The following TARS3 variants were observed in gnomAD, a reference collection of about 807,000 sequenced individuals.
The protein encoded by TARS3 is threonyl-tRNA synthetase 3.
Under a neutral mutation model 103.5 loss-of-function variants are expected in TARS3, and 94 were observed. The ratio of observed to expected loss-of-function variants is 0.91; its 90% CI spans 0.77 to 1.08. The LOEUF is 1.08. TARS3 is among the 50% of genes least tolerant of loss of function. The pLI, the probability that TARS3 is intolerant of heterozygous loss-of-function variation, is 0.00. For synonymous variants in TARS3, 416 were observed against 355.4 expected, an observed-to-expected ratio of 1.17 and a Z score of -1.92; for missense variants, 952 against 995.2, an observed-to-expected ratio of 0.96 and a Z score of 0.58.
intron 15 of TARS3, among the ~76,000 whole-genome samples, chr15:101,666,911 T>A (rs996102295): frequency 6.6e-6 from 1 of 152,224 alleles, no homozygotes; most frequent in Non-Finnish European, 1.5e-5. Context: ...TATGAGGTTG[T>A]TAATGTATAT....
chr15:101,659,633 T>C (rs558335601), intron 16 of TARS3, among the ~76,000 whole-genome samples: 1 of 152,320 alleles, frequency 6.6e-6, no homozygotes, highest in Admixed American at 6.5e-5. Context: ...GTTCTCTCTC[T>C]TTTCTTTAAA....
intron 10 of TARS3, chr15:101,699,549 A>T (rs576349357): frequency 2.3e-6 from 1 of 428,480 alleles, no homozygotes. Flanking sequence ...CTGATTTTCC[A>T]GAGAAGACAG....
At chr15:101,685,786 C>A in intron 11 of TARS3, 110 bp downstream of exon 11, 1 of 843,398 alleles carries the variant, frequency 1.2e-6, no homozygotes, top group Non-Finnish European at 1.7e-6. Flanking sequence ...TAGTAATCAC[C>A]ACTCTTCAGA....
chr15:101,713,498 G>A (rs1260648505), intron 4 of TARS3, among the ~76,000 whole-genome samples: 1 of 151,964 alleles, frequency 6.6e-6, no homozygotes, highest in Non-Finnish European at 1.5e-5. Flanking sequence ...TTCTTGGGTG[G>A]TTCTATAACA....
chr15:101,701,687 G>A (rs1209578293), intron 9 of TARS3, among the ~76,000 whole-genome samples: 7 of 152,180 alleles, frequency 4.6e-5, no homozygotes, highest in Non-Finnish European at 8.8e-5. Flanking sequence ...AGCTCAGGCC[G>A]AGCTGCTTTC....
At chr15:101,681,780 A>C (rs1234715567) in intron 12 of TARS3, among the ~76,000 whole-genome samples, 1 of 152,184 alleles carries the variant, frequency 6.6e-6, no homozygotes, top group East Asian at 1.9e-4. Flanking sequence ...TTACTTCCCA[A>C]AAGCCCCATT....
At chr15:101,714,605 CAAAAAAAAAAAAAAA>C (rs35014693) in intron 4 of TARS3, 8 of 77,766 alleles carry the variant, frequency 1.0e-4, no homozygotes, top group South Asian at 4.5e-4. Flanking sequence ...GACTCCATCT[CAAAAAAAAAAAAAAA>C]AAAAAAAAAA....
At chr15:101,700,526 T>C (rs1339594520) in intron 10 of TARS3, among the ~76,000 whole-genome samples, 1 of 152,226 alleles carries the variant, frequency 6.6e-6, no homozygotes, top group Non-Finnish European at 1.5e-5. Flanking sequence ...CTTTATATTC[T>C]ACATGGTTTA....
chr15:101,707,070 GC>G (rs1355988258), intron 6 of TARS3, among the ~76,000 whole-genome samples: 1 of 151,976 alleles, frequency 6.6e-6, no homozygotes. Flanking sequence ...TGGCCAATAA[GC>G]ACATTAAGAT....
chr15:101,679,174 T>C (rs949271074), intron 12 of TARS3, among the ~76,000 whole-genome samples: 3 of 152,210 alleles, frequency 2.0e-5, no homozygotes, highest in African/African-American at 4.8e-5. Flanking sequence ...TAGATGTCTT[T>C]TGCCAAATTT....
At chr15:101,693,409 T>C (rs1002276458) in intron 10 of TARS3, among the ~76,000 whole-genome samples, 1 of 152,168 alleles carries the variant, frequency 6.6e-6, no homozygotes, top group East Asian at 1.9e-4. Context: ...ACAAGAACAG[T>C]ATGGGGGAAA....
chr15:101,675,862 T>C, intron 12 of TARS3, 125 bp from the exon 13 acceptor site: 1 of 1,088,462 alleles, frequency 9.2e-7, no homozygotes, highest in Non-Finnish European at 1.3e-6. Context: ...GATGATCCTG[T>C]TTTGGTTGCT....
intron 2 of TARS3, 40 bp from the exon 3 acceptor site, chr15:101,721,362 CCTA>C (rs1182406922): frequency 1.3e-6 from 2 of 1,513,934 alleles, no homozygotes; most frequent in Admixed American, 1.7e-5. Flanking sequence ...ATATATACAG[CCTA>C]CTGTTTTCCA....
At chr15:101,701,541 A>G (rs1367792777) in intron 9 of TARS3, among the ~76,000 whole-genome samples, 1 of 152,166 alleles carries the variant, frequency 6.6e-6, no homozygotes, top group Non-Finnish European at 1.5e-5. Context: ...GCCTACTGAG[A>G]GCCTATCCTG....
rs80026816 is a variant in TARS3, at chr15:101,713,314, A to C, written c.691-1313T>G. Among the ~76,000 whole-genome samples, 4 of 152,222 alleles carry C rather than the reference A, an allele frequency of 2.6e-5. No individual in the cohort carries two copies. In the East Asian group the frequency reaches 7.7e-4, roughly 29 times the overall value. The stretch of plus-strand genomic sequence containing the variant: ...AAGCATAGCTTGAGAAAGGTTAGAG[A>C]GGTAAGGAAGGGCCAGAGACCATGC... On this transcript the variant is annotated intron_variant, in intron 4 of 18. Transcript: ENST00000335968.
chr15:101,684,060 T>G lies in TARS3; in HGVS notation c.1650+15A>C. The G allele has an allele frequency of 1.2e-6, 2 of 1,606,872 alleles. No homozygotes were observed. The highest frequency in any genetic ancestry group is 1.7e-4 in the Middle Eastern group (1 of 6,014). On this transcript the variant is annotated intron_variant, in intron 12 of 18. Coordinates refer to ENST00000335968, the MANE Select transcript of TARS3 (RefSeq NM_152334.3). ...AATTTGTGACCACACTGCTTCACTC[T>G]GTGTTATTGTTTACCTGCTCCACTG...
In TARS3 at chr15:101,685,925, G is replaced by C. The variant is rs745881517; in HGVS notation, c.1458C>G (p.Ala486=). The change falls in exon 11 of 19, where the codon GCC becomes GCG. Residue 486 remains alanine (A), a synonymous_variant. Transcript: ENST00000335968. ...FTFEIEKDTF[A]LKPMNCPGHC... is the part of the protein sequence containing the mutation. Reference sequence around the variant, plus strand: ...GCCCTGGACAATTCATGGGTTTGAGGGCAAAAGTGTCCTTTTCAATCTCAA... The same window carrying C: ...GCCCTGGACAATTCATGGGTTTGAGCGCAAAAGTGTCCTTTTCAATCTCAA... The C allele has an allele frequency of 3.2e-5, 51 of 1,613,776 alleles. No homozygotes were observed. Among genetic ancestry groups the C allele is most frequent in the Non-Finnish European group, 4.3e-5 (51 of 1,179,864 alleles).
chr15:101,675,884 G>C (rs1898001240), intron 12 of TARS3, 147 bp from the exon 13 acceptor site: 1 of 862,554 alleles, frequency 1.2e-6, no homozygotes, highest in Non-Finnish European at 1.7e-6. Flanking sequence ...ATCCAATCCT[G>C]AGCTGAACCT....
intron 3 of TARS3, among the ~76,000 whole-genome samples, chr15:101,716,586 G>C (rs1157979264): frequency 6.6e-6 from 1 of 152,018 alleles, no homozygotes; most frequent in African/African-American, 2.4e-5. Flanking sequence ...TATTTGCTAG[G>C]CATTTTAATT....
Sources: gnomAD v4.1 joint callset for allele counts (sites outside exome capture counted in the v4.1 genomes callset) on GRCh38, gnomAD v4.1.1 for gene constraint, MANE v1.5 for transcripts, NCBI Gene and HGNC (gene_info 2026-07-23, HGNC 2026-07-21) for gene names.